RAP1GDS1: variants seen among roughly 807,000 people sequenced by gnomAD.
RAP1GDS1 encodes Rap1 GTPase-GDP dissociation stimulator 1, also known as RAP1, GTP-GDP dissociation stimulator 1.
A neutral mutation model predicts 71.1 loss-of-function variants in RAP1GDS1; 35 were observed. That is an observed-to-expected ratio of 0.49 (90% CI 0.38 to 0.65). The LOEUF (loss-of-function observed/expected upper bound fraction) is 0.65, where lower values mean the gene tolerates loss of function less well. Ranked by LOEUF, RAP1GDS1 falls within the 30% of genes least tolerant of loss-of-function variation. RAP1GDS1 has a pLI of 0.00. For missense variants in RAP1GDS1, 663 were observed against 706.1 expected, an observed-to-expected ratio of 0.94 and a Z score of 0.69; for synonymous variants, 229 against 243.1, an observed-to-expected ratio of 0.94 and a Z score of 0.54.
Position 98,310,723 on chromosome 4 carries a change from A to G in RAP1GDS1, c.112+17208A>G, listed in dbSNP as rs1389001994. On this transcript the variant is annotated intron_variant, in intron 2 of 14. Coordinates refer to ENST00000408927, the MANE Select transcript of RAP1GDS1 (RefSeq NM_001100427.2). Reference sequence around the variant, plus strand: ...GTTCTAGATGTATGCCATCCAGTCTAGTAGCCACCAAGCCACATATGGTTA... The same window carrying G: ...GTTCTAGATGTATGCCATCCAGTCTGGTAGCCACCAAGCCACATATGGTTA... Among the ~76,000 whole-genome samples the G allele has an allele frequency of 3.9e-5, 6 of 152,290 alleles. No homozygotes were observed. In the East Asian group the frequency reaches 1.2e-3, roughly 29 times the overall value.
chr4:98,351,017 A>G (rs1370362597), intron 3 of RAP1GDS1, among the ~76,000 whole-genome samples: 1 of 152,178 alleles, frequency 6.6e-6, no homozygotes, highest in Non-Finnish European at 1.5e-5. Flanking sequence ...TCTCAAGAAG[A>G]AAAAGATTTG....
intron 5 of RAP1GDS1, among the ~76,000 whole-genome samples, chr4:98,391,000 T>A (rs1247995790): frequency 6.6e-6 from 1 of 152,094 alleles, no homozygotes; most frequent in Non-Finnish European, 1.5e-5. Flanking sequence ...GAGAAAAAAA[T>A]TTTTGAAGAG....
chr4:98,300,992 CTTA>C (rs1247417842), intron 2 of RAP1GDS1, among the ~76,000 whole-genome samples: 1 of 151,742 alleles, frequency 6.6e-6, no homozygotes, highest in Non-Finnish European at 1.5e-5. Flanking sequence ...TAAGAGAGTT[CTTA>C]TTATCAACTG....
intron 14 of RAP1GDS1, among the ~76,000 whole-genome samples, chr4:98,440,693 T>G (rs890147862): frequency 7.2e-5 from 11 of 151,994 alleles, no homozygotes; most frequent in South Asian, 2.1e-4. Context: ...TTGAAGGGTG[T>G]TGTTGTTGTT....
At position 98,433,920 on chromosome 4, in the gene RAP1GDS1, ATAT is replaced by A. The variant is rs757868232; in HGVS notation, c.1441-11_1441-9del. On this transcript the variant is annotated splice_polypyrimidine_tract_variant and intron_variant, in intron 12 of 14. Coordinates refer to ENST00000408927, the MANE Select transcript of RAP1GDS1 (RefSeq NM_001100427.2). Reference sequence around the variant, plus strand: ...TAAAATTAAAGTCTATAATTCTCTGATATTATTTATTGTAGGATGTAATTAAAA... The same window carrying A: ...TAAAATTAAAGTCTATAATTCTCTGATATTTATTGTAGGATGTAATTAAAA... 3.5e-5 allele frequency: 55 copies of A among 1,590,296 alleles called. No individual in the cohort carries two copies. Among genetic ancestry groups the A allele is most frequent in the Non-Finnish European group, 4.3e-5 (50 of 1,160,540 alleles).
At chr4:98,337,512 A>G (rs1734877280) in intron 2 of RAP1GDS1, among the ~76,000 whole-genome samples, 1 of 152,190 alleles carries the variant, frequency 6.6e-6, no homozygotes. Flanking sequence ...CCTTATTTGT[A>G]ATATGAAGAA....
rs765355740 is a variant in RAP1GDS1 at position 98,434,075 on chromosome 4, G to A, written c.1567+13G>A. 1.2e-5 allele frequency: 19 copies of A among 1,610,410 alleles called. No homozygotes were observed. In the South Asian group the frequency reaches 1.4e-4, roughly 12 times the overall value. On this transcript the variant is annotated intron_variant, in intron 13 of 14. Coordinates refer to ENST00000408927, the MANE Select transcript of RAP1GDS1 (RefSeq NM_001100427.2). ...GCTTTAGAATTGGGTAAGTACCCCAGTGACAAACTTATTTTCTTCTATTTT... is the reference window on the plus strand; with the variant it reads ...GCTTTAGAATTGGGTAAGTACCCCAATGACAAACTTATTTTCTTCTATTTT...
In RAP1GDS1 at chr4:98,370,568, C is replaced by CTT. The variant is rs199686711; in HGVS notation, c.362-8435_362-8434dup. ...ACACCATAAAAAAATTGCATTAAAG[C>CTT]TTTTTTTTTTTTTTTAACAGAGTCT... On this transcript the variant is annotated intron_variant, in intron 4 of 14. Transcript: ENST00000408927. Among the ~76,000 whole-genome samples, 26 of 141,600 alleles carry CTT rather than the reference C, an allele frequency of 1.8e-4. No homozygotes were observed. In the East Asian group the frequency reaches 2.3e-3, roughly 12 times the overall value. The allele number at this position is 141,600 out of a possible 152,430, so 92.9% of individuals were successfully genotyped here.
At chr4:98,303,814 G>A (rs1728925034) in intron 2 of RAP1GDS1, among the ~76,000 whole-genome samples, 1 of 151,900 alleles carries the variant, frequency 6.6e-6, no homozygotes, top group African/African-American at 2.4e-5. Flanking sequence ...TAGGTATTAA[G>A]CCCCACATGC....
chr4:98,300,146 C>T (rs940583097), intron 2 of RAP1GDS1, among the ~76,000 whole-genome samples: 2 of 152,052 alleles, frequency 1.3e-5, no homozygotes, highest in East Asian at 1.9e-4. Context: ...GGATGATAAA[C>T]TTTGTCTTAT....
At chr4:98,318,856 C>A (rs965526535) in intron 2 of RAP1GDS1, among the ~76,000 whole-genome samples, 1 of 152,160 alleles carries the variant, frequency 6.6e-6, no homozygotes, top group Non-Finnish European at 1.5e-5. Flanking sequence ...TTAAAACTTA[C>A]AAATTGTTTA....
At chr4:98,311,868 G>A (rs1416557701) in intron 2 of RAP1GDS1, among the ~76,000 whole-genome samples, 1 of 152,106 alleles carries the variant, frequency 6.6e-6, no homozygotes, top group Non-Finnish European at 1.5e-5. Flanking sequence ...CAAACTTCTG[G>A]CCTCAAGCAG....
intron 2 of RAP1GDS1, among the ~76,000 whole-genome samples, chr4:98,327,482 G>A (rs1043444386): frequency 2.0e-5 from 3 of 152,188 alleles, no homozygotes; most frequent in Admixed American, 6.5e-5. Flanking sequence ...TGTAGTTTTT[G>A]AAGAATGTTT....
intron 12 of RAP1GDS1, among the ~76,000 whole-genome samples, chr4:98,424,497 C>T (rs996240429): frequency 8.5e-5 from 13 of 152,200 alleles, no homozygotes; most frequent in Admixed American, 8.5e-4. Flanking sequence ...TGCGGTGGCT[C>T]ACGCCTGTAA....
At chr4:98,399,356 A>G (rs1412900337) in intron 6 of RAP1GDS1, among the ~76,000 whole-genome samples, 1 of 152,144 alleles carries the variant, frequency 6.6e-6, no homozygotes, top group Admixed American at 6.5e-5. Context: ...GAACTCAAAC[A>G]TCTCAACAGC....
chr4:98,367,004 A>G (rs1227908397), intron 4 of RAP1GDS1, among the ~76,000 whole-genome samples: 1 of 152,196 alleles, frequency 6.6e-6, no homozygotes, highest in Admixed American at 6.5e-5. Flanking sequence ...ACCGAATGTT[A>G]ATCCCCAAGA....
At chr4:98,402,027 A>T (rs1030848043) in intron 6 of RAP1GDS1, among the ~76,000 whole-genome samples, 1 of 152,174 alleles carries the variant, frequency 6.6e-6, no homozygotes, top group African/African-American at 2.4e-5. Context: ...AAGCAGAGGG[A>T]TAACCAACAA....
rs1748191110 is a variant in RAP1GDS1 at position 98,417,422 on chromosome 4, A to G, written c.963A>G (p.Val321=). Residue 321 remains valine (V), a synonymous_variant, in exon 9 of 15, where the codon GTA becomes GTG. Transcript: ENST00000408927. ...GAAAAGGTAGTGTATTTCAAAGGGT[A>G]CTCTCTTGGATCCCATCAAATAACC... The part of the protein sequence containing the change: ...EGGKGSVFQR[V]LSWIPSNNHQ... 6.2e-7 allele frequency: 1 copy of G among 1,612,864 alleles called. No individual in the cohort carries two copies. The highest frequency in any genetic ancestry group is 8.5e-7 in the Non-Finnish European group (1 of 1,179,036).
chr4:98,266,549 T>C (rs1429605277), intron 1 of RAP1GDS1, among the ~76,000 whole-genome samples: 2 of 152,180 alleles, frequency 1.3e-5, no homozygotes, highest in African/African-American at 4.8e-5. Context: ...TAATAAATAC[T>C]AATTTTGCCT....
Sources: gnomAD v4.1 joint callset for allele counts (sites outside exome capture counted in the v4.1 genomes callset) on GRCh38, gnomAD v4.1.1 for gene constraint, MANE v1.5 for transcripts, NCBI Gene and HGNC (gene_info 2026-07-23, HGNC 2026-07-21) for gene names.